The following BBS9 variants were observed in gnomAD, a reference collection of about 807,000 sequenced individuals.
The protein encoded by BBS9 is Bardet-Biedl syndrome 9.
A neutral mutation model predicts 117.7 loss-of-function variants in BBS9; 89 were observed. The observed-to-expected ratio is 0.76, with a 90% CI of 0.64 to 0.90. The LOEUF is 0.90. Ranked by LOEUF, BBS9 falls within the 40% of genes least tolerant of loss-of-function variation. The pLI, the probability that BBS9 is intolerant of heterozygous loss-of-function variation, is 0.00. For synonymous variants in BBS9, 379 were observed against 370.9 expected, an observed-to-expected ratio of 1.02 and a Z score of -0.25; for missense variants, 982 against 1,042.2, an observed-to-expected ratio of 0.94 and a Z score of 0.80.
chr7:33,280,135 A>G (rs1375547079), intron 9 of BBS9, among the ~76,000 whole-genome samples: 2 of 152,196 alleles, frequency 1.3e-5, no homozygotes, highest in African/African-American at 4.8e-5. Flanking sequence ...TTGTTACTTA[A>G]CAGTTTCTTC....
chr7:33,545,262 G>T (rs965693608), intron 21 of BBS9, among the ~76,000 whole-genome samples: 4 of 152,160 alleles, frequency 2.6e-5, no homozygotes, highest in African/African-American at 9.7e-5. Context: ...AGTTCAGCTA[G>T]AGAATTCCTT....
intron 15 of BBS9, among the ~76,000 whole-genome samples, chr7:33,356,059 T>G (rs188192330): frequency 6.6e-6 from 1 of 151,794 alleles, no homozygotes; most frequent in African/African-American, 2.4e-5. Flanking sequence ...CTGTACAGAA[T>G]TGTCAGAAAA....
rs550021109 is a variant in BBS9, at chr7:33,279,741, A to C, written c.1016+5785A>C. ...TCAGATTAAATCTCATTCTCAATTA[A>C]ATTGTTTTTTATTTAATTATTTTCA... On this transcript the variant is annotated intron_variant, in intron 9 of 22. Coordinates refer to ENST00000242067, the MANE Select transcript of BBS9 (RefSeq NM_198428.3). 2.6e-5 allele frequency among the ~76,000 whole-genome samples: 4 copies of C among 152,204 alleles called. No individual in the cohort carries two copies. The East Asian group carries it at 7.7e-4, about 29-fold the overall frequency.
chr7:33,174,788 T>C lies in BBS9; in HGVS notation c.329-2690T>C, dbSNP rs147620583. On this transcript the variant is annotated intron_variant, in intron 4 of 22. Transcript: ENST00000242067. ...CTTTAGGGATAAACCAGGTGACTCTTGGAGCTGCTCTTTCTGGTTTCTTGG... is the reference window on the plus strand; with the variant it reads ...CTTTAGGGATAAACCAGGTGACTCTCGGAGCTGCTCTTTCTGGTTTCTTGG... Among the ~76,000 whole-genome samples, 328 of 152,330 alleles carry C rather than the reference T, an allele frequency of 2.2e-3. 1 individual carries two copies. Among genetic ancestry groups the C allele is most frequent in the Middle Eastern group, 0.02 (6 of 294 alleles).
In BBS9 at chr7:33,482,811, A is replaced by G. The variant is rs546680052; in HGVS notation, c.2116-22652A>G. Among the ~76,000 whole-genome samples, 4 of 152,310 alleles carry G rather than the reference A, an allele frequency of 2.6e-5. 1 individual carries two copies. The South Asian group carries it at 8.3e-4, about 32-fold the overall frequency. On this transcript the variant is annotated intron_variant, in intron 19 of 22. Transcript: ENST00000242067. ...GAAAGGTCCTCCTGTTGTTCTGGCC[A>G]TTCATACCTTACTATTTCTGTTTCT...
chr7:33,539,931 A>C (rs1852014747), intron 21 of BBS9, among the ~76,000 whole-genome samples: 1 of 152,220 alleles, frequency 6.6e-6, no homozygotes, highest in East Asian at 1.9e-4. Flanking sequence ...GGTAGCAGGC[A>C]GAGATTCTTC....
chr7:33,595,348 G>A (rs2263257), intron 21 of BBS9, among the ~76,000 whole-genome samples: 52,037 of 151,616 alleles, frequency 0.34, 12,017 homozygotes, highest in African/African-American at 0.65. Flanking sequence ...TTATAAGAAA[G>A]AAACAACCCC....
At chr7:33,212,443 A>T (rs1185931999) in intron 5 of BBS9, among the ~76,000 whole-genome samples, 2 of 152,122 alleles carry the variant, frequency 1.3e-5, no homozygotes, top group African/African-American at 4.8e-5. Context: ...TGTTACATTT[A>T]TCTGATCGGA....
chr7:33,358,864 C>G (rs1169540528), intron 16 of BBS9, among the ~76,000 whole-genome samples: 1 of 151,748 alleles, frequency 6.6e-6, no homozygotes, highest in Non-Finnish European at 1.5e-5. Flanking sequence ...TATGGTAAGT[C>G]AACTTTTGTG....
chr7:33,613,796 T>C (rs1412686159), intron 21 of BBS9, among the ~76,000 whole-genome samples: 1 of 152,020 alleles, frequency 6.6e-6, no homozygotes, highest in African/African-American at 2.4e-5. Flanking sequence ...AAGCCAAGGC[T>C]TCTTGTCCCC....
At chr7:33,354,216 C>T (rs1381069315) in intron 15 of BBS9, among the ~76,000 whole-genome samples, 1 of 151,996 alleles carries the variant, frequency 6.6e-6, no homozygotes, top group Non-Finnish European at 1.5e-5. Context: ...AAATATTCAG[C>T]GGCACCTAGT....
At chr7:33,618,469 C>G (rs979485452) in intron 21 of BBS9, among the ~76,000 whole-genome samples, 1 of 151,950 alleles carries the variant, frequency 6.6e-6, no homozygotes, top group African/African-American at 2.4e-5. Flanking sequence ...GTGCATAAAT[C>G]ACTTTGACCT....
At chr7:33,526,980 G>C (rs574348109) in intron 20 of BBS9, among the ~76,000 whole-genome samples, 194 of 149,026 alleles carry the variant, frequency 1.3e-3, no homozygotes, top group Non-Finnish European at 2.0e-3. Context: ...AGGACCCTCA[G>C]CTGCAGGTCT....
intron 19 of BBS9, among the ~76,000 whole-genome samples, chr7:33,398,904 A>T (rs899692551): frequency 2.6e-5 from 4 of 152,160 alleles, no homozygotes; most frequent in Non-Finnish European, 4.4e-5. Flanking sequence ...CAGGCAGGTC[A>T]CAAACTCATG....
intron 21 of BBS9, among the ~76,000 whole-genome samples, chr7:33,628,895 C>G (rs1865761685): frequency 6.6e-6 from 1 of 152,120 alleles, no homozygotes; most frequent in Non-Finnish European, 1.5e-5. Context: ...AGTAAAATTG[C>G]AATACTCTTG....
chr7:33,596,936 A>C (rs1042997998), intron 21 of BBS9, among the ~76,000 whole-genome samples: 2 of 152,134 alleles, frequency 1.3e-5, no homozygotes, highest in African/African-American at 2.4e-5. Context: ...TTTATAGCTT[A>C]CATTCTCCTT....
chr7:33,327,062 G>T (rs911085608), intron 9 of BBS9, among the ~76,000 whole-genome samples: 3 of 152,214 alleles, frequency 2.0e-5, no homozygotes, highest in Middle Eastern at 3.4e-3. Flanking sequence ...ACTTGCCCAG[G>T]AATTGTGGTT....
At chr7:33,499,661 C>T (rs1292812414) in intron 19 of BBS9, among the ~76,000 whole-genome samples, 3 of 152,260 alleles carry the variant, frequency 2.0e-5, no homozygotes, top group East Asian at 1.9e-4. Flanking sequence ...TTCATAGTGA[C>T]GTTTCTTGGG....
At chr7:33,322,708 T>C (rs2128586391) in intron 9 of BBS9, among the ~76,000 whole-genome samples, 1 of 152,190 alleles carries the variant, frequency 6.6e-6, no homozygotes, top group South Asian at 2.1e-4. Flanking sequence ...TTGATTTTTG[T>C]ATTGTTTTCT....
Sources: gnomAD v4.1 joint callset for allele counts (sites outside exome capture counted in the v4.1 genomes callset) on GRCh38, gnomAD v4.1.1 for gene constraint, MANE v1.5 for transcripts, NCBI Gene and HGNC (gene_info 2026-07-23, HGNC 2026-07-21) for gene names.